Variants in FERMT2 observed in about 807,000 individuals in gnomAD.
The protein encoded by FERMT2 is fermitin family homolog 2.
In FERMT2, 15 loss-of-function variants were observed where a neutral mutation model predicts 82.7. The observed-to-expected ratio is 0.18, with a 90% CI of 0.12 to 0.28. The LOEUF (loss-of-function observed/expected upper bound fraction) is 0.28, where lower values mean the gene tolerates loss of function less well. FERMT2 is among the 10% of genes least tolerant of loss of function. The pLI is 1.00. For missense variants in FERMT2, 645 were observed against 809.4 expected (o/e 0.80, Z 2.46); for synonymous variants, 274 against 271.5 (o/e 1.01, Z -0.09).
intron 4 of FERMT2, chr14:52,881,734 TA>T: frequency 7.6e-7 from 1 of 1,321,012 alleles, no homozygotes; most frequent in South Asian, 1.3e-5. Flanking sequence ...AATTAGAAAA[TA>T]AGGATATAGC....
chr14:52,926,015 G>A (rs1889248435), intron 2 of FERMT2, among the ~76,000 whole-genome samples: 1 of 152,150 alleles, frequency 6.6e-6, no homozygotes, highest in African/African-American at 2.4e-5. Context: ...AAAGTGGCAA[G>A]TTAAATCATA....
chr14:52,888,107 A>T (rs1243520866), intron 4 of FERMT2, among the ~76,000 whole-genome samples: 1 of 152,198 alleles, frequency 6.6e-6, no homozygotes, highest in Non-Finnish European at 1.5e-5. Flanking sequence ...ATATAAATTC[A>T]TATATTTATT....
intron 4 of FERMT2, among the ~76,000 whole-genome samples, chr14:52,886,268 T>TG (rs886468994): frequency 2.1e-5 from 3 of 145,050 alleles, no homozygotes; most frequent in African/African-American, 4.9e-5. Flanking sequence ...CAGAAACTCT[T>TG]GGGGGGGAGA....
chr14:52,870,060 G>A (rs1885520921), intron 10 of FERMT2, among the ~76,000 whole-genome samples: 1 of 152,166 alleles, frequency 6.6e-6, no homozygotes, highest in Non-Finnish European at 1.5e-5. Context: ...TTAGAAAAGG[G>A]TCAAGATGTT....
At chr14:52,859,794 C>A in intron 13 of FERMT2, 80 bp from the exon 14 acceptor site, 1 of 772,462 alleles carries the variant, frequency 1.3e-6, no homozygotes, top group Non-Finnish European at 2.0e-6. Flanking sequence ...GATAAGTGTT[C>A]TCTCTAACCC....
chr14:52,859,750 T>C, intron 13 of FERMT2, 36 bp from the exon 14 acceptor site: 3 of 1,355,362 alleles, frequency 2.2e-6, no homozygotes, highest in Non-Finnish European at 1.0e-6. Flanking sequence ...TAAAAACATG[T>C]TGTGGGGGAA....
At chr14:52,881,800 C>A (rs1019546964) in intron 4 of FERMT2, 19 of 1,305,890 alleles carry the variant, frequency 1.5e-5, no homozygotes, top group Non-Finnish European at 1.8e-5. Flanking sequence ...GCTCACCTTT[C>A]AGAGGGCCAA....
chr14:52,885,867 G>A (rs1185582831), intron 4 of FERMT2, among the ~76,000 whole-genome samples: 1 of 150,846 alleles, frequency 6.6e-6, no homozygotes, highest in Non-Finnish European at 1.5e-5. Flanking sequence ...TATTTTTGGA[G>A]AAAATTTTCC....
chr14:52,911,243 T>C (rs1283805696), intron 3 of FERMT2, among the ~76,000 whole-genome samples: 4 of 152,154 alleles, frequency 2.6e-5, no homozygotes, highest in African/African-American at 7.2e-5. Flanking sequence ...ACTTTATTTA[T>C]GAACATGGGA....
At chr14:52,874,038 T>G (rs1167207669) in intron 9 of FERMT2, 139 bp downstream of exon 9, 2 of 474,120 alleles carry the variant, frequency 4.2e-6, no homozygotes, top group African/African-American at 2.0e-5. Context: ...CTCGTGGTAA[T>G]TTGGTGTTCA....
At chr14:52,896,922 G>C (rs115609819) in intron 3 of FERMT2, among the ~76,000 whole-genome samples, 2 of 151,598 alleles carry the variant, frequency 1.3e-5, no homozygotes, top group Admixed American at 6.6e-5. Flanking sequence ...CCTGAGCCTG[G>C]AAGCTGCAGT....
intron 2 of FERMT2, among the ~76,000 whole-genome samples, chr14:52,925,442 C>T (rs990452419): frequency 2.0e-5 from 3 of 151,492 alleles, no homozygotes; most frequent in African/African-American, 7.3e-5. Context: ...CCTGCAATCC[C>T]AGCTACTTGG....
chr14:52,858,577 G>A, intron 14 of FERMT2, 27 bp from the exon 15 acceptor site: 1 of 1,609,386 alleles, frequency 6.2e-7, no homozygotes, highest in South Asian at 1.1e-5. Flanking sequence ...AGCCATCAGT[G>A]CTGTCCCAAA....
chr14:52,870,033 G>A (rs1241674665), intron 10 of FERMT2, among the ~76,000 whole-genome samples: 2 of 152,138 alleles, frequency 1.3e-5, no homozygotes, highest in South Asian at 2.1e-4. Flanking sequence ...GCTGTACAAT[G>A]TTTAAGCTAC....
intron 2 of FERMT2, among the ~76,000 whole-genome samples, chr14:52,925,357 A>C (rs1020516483): frequency 6.6e-6 from 1 of 152,198 alleles, no homozygotes; most frequent in African/African-American, 2.4e-5. Flanking sequence ...TTGGAGTTTG[A>C]GACCAGCCTG....
At chr14:52,945,026 G>A (rs1421747062) in intron 2 of FERMT2, among the ~76,000 whole-genome samples, 2 of 151,700 alleles carry the variant, frequency 1.3e-5, no homozygotes, top group East Asian at 1.9e-4. Context: ...TCAGCCTCCC[G>A]AGTAGCTGGG....
chr14:52,918,046 A>G (rs1369894514), intron 3 of FERMT2, among the ~76,000 whole-genome samples: 1 of 152,250 alleles, frequency 6.6e-6, no homozygotes, highest in Admixed American at 6.5e-5. Flanking sequence ...CAATATTTAA[A>G]ACATTTGAAA....
chr14:52,860,445 C>G lies in FERMT2; in HGVS notation c.1623G>C (p.Glu541Asp). ...KNKQITARIL[E>D]AHQNVAQMSL... ...TCATCTGAGCTACATTCTGATGGGC[C>G]TCCAAGATTCTCGCTGTTATCTAAA... Residue 541 changes from glutamate (E) to aspartate (D), a missense_variant, in exon 13 of 15, where the codon GAG becomes GAC. By Grantham distance (45) the Glu-to-Asp change is conservative. Transcript: ENST00000341590. 1 of 1,612,780 alleles carries G rather than the reference C, an allele frequency of 6.2e-7. No homozygotes were observed. The highest frequency in any genetic ancestry group is 8.5e-7 in the Non-Finnish European group (1 of 1,179,360).
At chr14:52,895,636 G>T (rs1234348972) in intron 3 of FERMT2, among the ~76,000 whole-genome samples, 1 of 152,184 alleles carries the variant, frequency 6.6e-6, no homozygotes, top group East Asian at 1.9e-4. Context: ...AATCCATAGT[G>T]ACAGAAAGCA....
Sources: gnomAD v4.1 joint callset for allele counts (sites outside exome capture counted in the v4.1 genomes callset) on GRCh38, gnomAD v4.1.1 for gene constraint, MANE v1.5 for transcripts, NCBI Gene and HGNC (gene_info 2026-07-23, HGNC 2026-07-21) for gene names.